TRAF2: variants seen among roughly 807,000 people sequenced by gnomAD.
TRAF2 encodes the protein TNF receptor-associated factor 2.
Under a neutral mutation model 55.6 loss-of-function variants are expected in TRAF2, and 6 were observed. That is an observed-to-expected ratio of 0.11 (90% confidence interval 0.06 to 0.21). TRAF2 has a LOEUF of 0.21. TRAF2 is among the 10% of genes least tolerant of loss of function. The pLI, the probability that TRAF2 is intolerant of heterozygous loss-of-function variation, is 1.00. For missense variants in TRAF2, 561 were observed against 684.5 expected (o/e 0.82, Z 2.01); for synonymous variants, 329 against 276.3 (o/e 1.19, Z -1.89).
At chr9:136,886,352 C>G (rs1849446568), upstream of TRAF2, 1 of 967,294 alleles carries the variant, frequency 1.0e-6, no homozygotes, top group Admixed American at 6.2e-5. Context: ...TTGGCTCCGG[C>G]GTCAGTCCGT....
intron 10 of TRAF2, among the ~76,000 whole-genome samples, chr9:136,924,867 T>A (rs951319138): frequency 6.6e-6 from 1 of 151,950 alleles, no homozygotes. Context: ...GCCTCCTGAG[T>A]AGCTGGGACT....
chr9:136,906,337 G>A (rs1412827681), intron 4 of TRAF2, among the ~76,000 whole-genome samples: 2 of 152,116 alleles, frequency 1.3e-5, no homozygotes, highest in African/African-American at 4.8e-5. Context: ...GAGGTTGAAT[G>A]GACTCATAGT....
chr9:136,910,046 G>T, intron 6 of TRAF2, 52 bp downstream of exon 6: 1 of 1,577,552 alleles, frequency 6.3e-7, no homozygotes, highest in Non-Finnish European at 8.7e-7. Context: ...CCATGTGTTG[G>T]ACGTGAGGGT....
At chr9:136,909,772 C>T in intron 5 of TRAF2, 148 bp from the exon 6 acceptor site, 1 of 745,934 alleles carries the variant, frequency 1.3e-6, no homozygotes, top group Non-Finnish European at 2.3e-6. Flanking sequence ...AGGATCCTGC[C>T]CGGGAGGAGC....
chr9:136,906,132 C>CA (rs1273000486), intron 4 of TRAF2, among the ~76,000 whole-genome samples: 2 of 151,968 alleles, frequency 1.3e-5, no homozygotes, highest in Non-Finnish European at 2.9e-5. Flanking sequence ...ATGGCTCTGC[C>CA]AAAAATACAA....
Position 136,916,227 on chromosome 9 carries a change from CAGCACCGCAT to C in TRAF2, c.604-313_604-304del, listed in dbSNP as rs141370372. ...GTTTTGAACCCAGGCCCTGAGGCCT[CAGCACCGCAT>C]GTCCTGTGGACTGTGATAGAGGGAC... On this transcript the variant is annotated intron_variant, in intron 6 of 10. Transcript: ENST00000247668. Among the ~76,000 whole-genome samples the C allele has an allele frequency of 5.8e-3, 885 of 152,288 alleles. 17 individuals carry two copies. In the East Asian group the frequency reaches 0.063, roughly 11 times the overall value.
chr9:136,918,227 TTATATATATATATATATATATA>T (rs764701854), intron 7 of TRAF2, among the ~76,000 whole-genome samples: 1 of 68,080 alleles, frequency 1.5e-5, no homozygotes, highest in Non-Finnish European at 2.6e-5. Context: ...AGTGTTTTGT[TTATATATATATATATATATATA>T]TATATATATT....
rs766563743 is a variant in TRAF2, at chr9:136,925,700, C to G, written c.1305C>G (p.Leu435=). ...PFNQKVTLML[L]DQNNREHVID... ...TCCTCCAGGTGACCTTAATGCTGCT[C>G]GACCAGAATAACCGGGAGCACGTGA... Residue 435 remains leucine (L), a synonymous_variant, in exon 11 of 11, where the codon CTC becomes CTG. Transcript: ENST00000247668. 1 of 1,614,080 alleles carries G rather than the reference C, an allele frequency of 6.2e-7. No individual in the cohort carries two copies. Among genetic ancestry groups the G allele is most frequent in the East Asian group, 2.2e-5 (1 of 44,888 alleles).
intron 3 of TRAF2, among the ~76,000 whole-genome samples, chr9:136,900,186 T>G (rs2784072): frequency 6.9e-6 from 1 of 145,794 alleles, no homozygotes; most frequent in Admixed American, 6.8e-5. Flanking sequence ...AAAAAAAGAA[T>G]AAAGGGCCGC....
intron 7 of TRAF2, among the ~76,000 whole-genome samples, chr9:136,918,055 C>T (rs895119693): frequency 1.3e-5 from 2 of 151,866 alleles, no homozygotes; most frequent in Admixed American, 6.6e-5. Context: ...TTTTCCACGC[C>T]GCGCACAGCA....
chr9:136,889,358 G>A (rs1370443509), intron 1 of TRAF2, among the ~76,000 whole-genome samples: 3 of 149,932 alleles, frequency 2.0e-5, no homozygotes, highest in South Asian at 4.2e-4. Context: ...ATCTCGGCTC[G>A]CTGCAACCTC....
At chr9:136,908,561 A>C (rs930506931) in intron 5 of TRAF2, among the ~76,000 whole-genome samples, 2 of 151,996 alleles carry the variant, frequency 1.3e-5, no homozygotes, top group African/African-American at 2.4e-5. Flanking sequence ...TCTCTACTAA[A>C]AATGCAAAAA....
chr9:136,900,061 G>A (rs1849778240), intron 3 of TRAF2, among the ~76,000 whole-genome samples: 1 of 152,064 alleles, frequency 6.6e-6, no homozygotes, highest in Non-Finnish European at 1.5e-5. Context: ...CAGCCACTTG[G>A]GAGGCTGAAG....
Position 136,918,227 on chromosome 9 carries a change from T to TTATATATA in TRAF2, c.678+1636_678+1643dup, listed in dbSNP as rs764701854. 6.4e-3 allele frequency among the ~76,000 whole-genome samples: 436 copies of TTATATATA among 67,988 alleles called. 2 individuals are homozygous for TTATATATA. Among genetic ancestry groups the TTATATATA allele is most frequent in the African/African-American group, 0.01 (128 of 12,560 alleles). 44.6% of individuals were successfully genotyped at this position (67,988 alleles called of 152,430 possible). Reference sequence around the variant, plus strand: ...CTGTAATTTTTTTAGAGTGTTTTGTTTATATATATATATATATATATATAT... The same window carrying TTATATATA: ...CTGTAATTTTTTTAGAGTGTTTTGTTTATATATATATATATATATATATATATATATAT... On this transcript the variant is annotated intron_variant, in intron 7 of 10. Coordinates refer to ENST00000247668, the MANE Select transcript of TRAF2 (RefSeq NM_021138.4).
intron 2 of TRAF2, 103 bp downstream of exon 2, chr9:136,899,031 A>C: frequency 8.5e-7 from 1 of 1,173,112 alleles, no homozygotes; most frequent in Non-Finnish European, 1.2e-6. Context: ...GGTCCAGCTT[A>C]GATGTGCTCC....
At chr9:136,904,041 A>T (rs1045003509) in intron 4 of TRAF2, among the ~76,000 whole-genome samples, 2 of 152,058 alleles carry the variant, frequency 1.3e-5, no homozygotes, top group African/African-American at 2.4e-5. Flanking sequence ...TGAGGCTGAG[A>T]GTAGAGGTGT....
upstream of TRAF2, chr9:136,886,210 C>A (rs983431474): frequency 5.3e-5 from 9 of 170,930 alleles, no homozygotes; most frequent in East Asian, 1.9e-4. Context: ...CCCCACAGCG[C>A]AGCACCTCAC....
chr9:136,897,810 G>A (rs1849718099), intron 1 of TRAF2, among the ~76,000 whole-genome samples: 5 of 127,884 alleles, frequency 3.9e-5, no homozygotes, highest in Admixed American at 8.4e-5. Flanking sequence ...TTCCGCTCTC[G>A]GGGCTGGAGG....
chr9:136,890,876 G>A (rs1362113879), intron 1 of TRAF2, among the ~76,000 whole-genome samples: 3 of 152,124 alleles, frequency 2.0e-5, no homozygotes, highest in Admixed American at 6.6e-5. Flanking sequence ...CGATGGCCAC[G>A]TGAGGCCGTG....
Sources: allele counts gnomAD v4.1 joint callset (sites outside exome capture counted in the v4.1 genomes callset), GRCh38; gene constraint gnomAD v4.1.1; transcripts MANE v1.5; gene names NCBI Gene and HGNC (gene_info 2026-07-23, HGNC 2026-07-21).